Variants in RANBP2 observed in about 807,000 individuals in gnomAD.
The protein encoded by RANBP2 is E3 SUMO-protein ligase RanBP2.
Under a neutral mutation model 303.6 loss-of-function variants are expected in RANBP2, and 57 were observed. The ratio of observed to expected loss-of-function variants is 0.19; its 90% CI spans 0.15 to 0.23. The LOEUF (loss-of-function observed/expected upper bound fraction) is 0.23, where lower values mean the gene tolerates loss of function less well. Ranked by LOEUF, RANBP2 falls within the 10% of genes least tolerant of loss-of-function variation. The probability of loss-of-function intolerance (pLI) is 1.00; values close to 1 mark genes in which losing one functional copy is unlikely to be tolerated. For missense variants in RANBP2, 3,138 were observed against 3,780.8 expected, an observed-to-expected ratio of 0.83 and a Z score of 4.46; for synonymous variants, 1,167 against 1,301.5, an observed-to-expected ratio of 0.90 and a Z score of 2.23.
chr2:109,164,406 A>G, the RANBP2 span, among the ~76,000 whole-genome samples: 1 of 151,838 alleles, frequency 6.6e-6, no homozygotes. Flanking sequence ...CTGGTTCCAA[A>G]CTCTTGGCCT....
chr2:109,078,107 TATATATATATA>T, the RANBP2 span, among the ~76,000 whole-genome samples: 1 of 93,774 alleles, frequency 1.1e-5, no homozygotes, highest in East Asian at 6.8e-4. Flanking sequence ...TATATATATA[TATATATATATA>T]GCGTGTATAT....
the RANBP2 span, among the ~76,000 whole-genome samples, chr2:109,380,275 A>C: frequency 6.6e-6 from 1 of 152,150 alleles, no homozygotes; most frequent in African/African-American, 2.4e-5. Context: ...AGAATATCTT[A>C]CATTCCATTG....
At chr2:109,522,352 C>T in the RANBP2 span, among the ~76,000 whole-genome samples, 1 of 150,866 alleles carries the variant, frequency 6.6e-6, no homozygotes, top group Admixed American at 6.6e-5. Flanking sequence ...AGTGCGATGG[C>T]GCAATCTCGG....
the RANBP2 span, among the ~76,000 whole-genome samples, chr2:109,097,659 GT>G: frequency 6.7e-6 from 1 of 149,514 alleles, no homozygotes; most frequent in Admixed American, 6.7e-5. Flanking sequence ...TGTGTAATGT[GT>G]TTTTTTACTC....
the RANBP2 span, among the ~76,000 whole-genome samples, chr2:108,997,716 C>A: frequency 6.6e-6 from 1 of 151,954 alleles, no homozygotes; most frequent in Non-Finnish European, 1.5e-5. Context: ...ATGGTGAAGT[C>A]CCGTCTCTAC....
the RANBP2 span, chr2:108,812,638 A>C: frequency 6.2e-7 from 1 of 1,611,622 alleles, no homozygotes; most frequent in Admixed American, 1.7e-5. Flanking sequence ...TAGTTAAATG[A>C]AGCAAGTGAA....
the RANBP2 span, chr2:109,552,670 A>C: frequency 5.7e-6 from 1 of 176,450 alleles, no homozygotes; most frequent in Admixed American, 6.2e-5. Flanking sequence ...TAGGCATAAG[A>C]AAACATCCAG....
the RANBP2 span, among the ~76,000 whole-genome samples, chr2:109,629,239 ATGCTT>A: frequency 4.7e-5 from 2 of 42,836 alleles, no homozygotes; most frequent in Admixed American, 2.3e-4. Flanking sequence ...AATAAATAAA[ATGCTT>A]AACTAACATT....
At chr2:108,942,996 C>T in the RANBP2 span, among the ~76,000 whole-genome samples, 4,484 of 152,288 alleles carry the variant, frequency 0.029, 120 homozygotes, top group African/African-American at 0.074. Flanking sequence ...GCACAGATGG[C>T]GTTTCACCGG....
At chr2:109,212,762 C>A in the RANBP2 span, among the ~76,000 whole-genome samples, 1 of 152,176 alleles carries the variant, frequency 6.6e-6, no homozygotes, top group Non-Finnish European at 1.5e-5. Flanking sequence ...AGCCTTCTCC[C>A]CCACCCGTCA....
the RANBP2 span, among the ~76,000 whole-genome samples, chr2:109,194,544 G>A: frequency 6.6e-6 from 1 of 152,358 alleles, no homozygotes; most frequent in East Asian, 1.9e-4. Context: ...AGCACTGAAG[G>A]GCGAGGAGCA....
At chr2:109,511,980 C>A in the RANBP2 span, among the ~76,000 whole-genome samples, 2 of 152,236 alleles carry the variant, frequency 1.3e-5, no homozygotes, top group Admixed American at 1.3e-4. Context: ...GTGTTGCTGC[C>A]CAGAGGACTC....
chr2:109,380,139 G>A, the RANBP2 span, among the ~76,000 whole-genome samples: 1 of 152,170 alleles, frequency 6.6e-6, no homozygotes. Context: ...CACATACATG[G>A]GTGTTCATTG....
the RANBP2 span, among the ~76,000 whole-genome samples, chr2:109,376,763 T>A: frequency 6.6e-6 from 1 of 152,204 alleles, no homozygotes. Flanking sequence ...TAGACCCTCA[T>A]GCCCTCACCC....
chr2:109,683,983 C>G, the RANBP2 span, among the ~76,000 whole-genome samples: 6,299 of 152,212 alleles, frequency 0.041, 372 homozygotes, highest in African/African-American at 0.13. Context: ...GCTCTCTCCC[C>G]CAGGCTGGAG....
At chr2:109,596,726 T>A in the RANBP2 span, among the ~76,000 whole-genome samples, 1 of 152,212 alleles carries the variant, frequency 6.6e-6, no homozygotes, top group Non-Finnish European at 1.5e-5. Context: ...ATATCAAATA[T>A]CTGCTTTTGT....
At chr2:108,787,554 C>A (rs184635280), downstream of RANBP2, among the ~76,000 whole-genome samples, 6 of 152,246 alleles carry the variant, frequency 3.9e-5, no homozygotes, top group African/African-American at 1.4e-4. Context: ...ATCTAGAGTT[C>A]ATAAGAAATT....
At chr2:109,090,907 C>T in the RANBP2 span, among the ~76,000 whole-genome samples, 1 of 152,072 alleles carries the variant, frequency 6.6e-6, no homozygotes, top group Admixed American at 6.6e-5. Context: ...ACAATTTTCC[C>T]ACAACCTGCC....
At position 108,768,370 on chromosome 2, in the gene RANBP2, T is replaced by A. The variant is rs1677259383; in HGVS notation, c.7831T>A (p.Phe2611Ile). 3.1e-6 allele frequency: 5 copies of A among 1,611,680 alleles called. No homozygotes were observed. Among genetic ancestry groups the A allele is most frequent in the Non-Finnish European group, 4.2e-6 (5 of 1,179,850 alleles). Reference sequence around the variant, plus strand: ...GGAAGAATCTTCAATCAACTACACATTTAAAACACCAGAAAAGGGTAAGTA... The same window carrying A: ...GGAAGAATCTTCAATCAACTACACAATTAAAACACCAGAAAAGGGTAAGTA... ...PTEESSINYT[F>I]KTPEKAKEKK... is the part of the protein sequence containing the mutation. The change falls in exon 20 of 29, where the codon TTT becomes ATT. Residue 2611 changes from phenylalanine to isoleucine, a missense_variant. By Grantham distance (21) the Phe-to-Ile change is conservative. Transcript: ENST00000283195.
Sources: gnomAD v4.1 joint callset for allele counts (sites outside exome capture counted in the v4.1 genomes callset) on GRCh38, gnomAD v4.1.1 for gene constraint, MANE v1.5 for transcripts, NCBI Gene and HGNC (gene_info 2026-07-23, HGNC 2026-07-21) for gene names.